NTNG1: variants seen among roughly 807,000 people sequenced by gnomAD.
The protein encoded by NTNG1 is netrin-G1.
Under a neutral mutation model 54.0 loss-of-function variants are expected in NTNG1, and 16 were observed. The observed-to-expected ratio is 0.30, with a 90% CI of 0.20 to 0.45. NTNG1 has a LOEUF of 0.45. Ranked by LOEUF, NTNG1 falls within the 20% of genes least tolerant of loss-of-function variation. The probability of loss-of-function intolerance (pLI) is 1.00; values close to 1 mark genes in which losing one functional copy is unlikely to be tolerated. For synonymous variants in NTNG1, 255 were observed against 263.1 expected (o/e 0.97, Z 0.30); for missense variants, 530 against 678.7 (o/e 0.78, Z 2.43).
intron 6 of NTNG1, among the ~76,000 whole-genome samples, chr1:107,432,049 C>T (rs1321775385): frequency 1.3e-5 from 2 of 152,128 alleles, no homozygotes; most frequent in African/African-American, 4.8e-5. Flanking sequence ...GTCTACAGTA[C>T]TTTCTGTATT....
Position 107,324,619 on chromosome 1 carries a change from A to G in NTNG1, c.584A>G (p.Asp195Gly). The G allele has an allele frequency of 6.2e-7, 1 of 1,613,712 alleles. No homozygotes were observed. Among genetic ancestry groups the G allele is most frequent in the Non-Finnish European group, 8.5e-7 (1 of 1,179,842 alleles). The stretch of plus-strand genomic sequence containing the variant: ...CACATGGATCCTAAATCCGTGAAGG[A>G]TTTATCACAGCATACGGTCTTAGAA... ...AFHMDPKSVK[D>G]LSQHTVLEII... is the part of the protein sequence containing the mutation. The change falls in exon 3 of 8, where the codon GAT becomes GGT. Residue 195 changes from aspartate (D) to glycine (G), a missense_variant. Transcript: ENST00000370068.
At chr1:107,250,985 C>T (rs1662567574) in intron 2 of NTNG1, among the ~76,000 whole-genome samples, 1 of 152,122 alleles carries the variant, frequency 6.6e-6, no homozygotes, top group African/African-American at 2.4e-5. Context: ...GTTATTCTTA[C>T]CTTATTCTTT....
At chr1:107,449,962 T>C (rs1434691374) in intron 7 of NTNG1, among the ~76,000 whole-genome samples, 3 of 152,088 alleles carry the variant, frequency 2.0e-5, no homozygotes, top group Admixed American at 2.0e-4. Context: ...CTTGTCTTGA[T>C]AAAATATTTC....
chr1:107,295,140 G>T (rs1222253043), intron 2 of NTNG1, among the ~76,000 whole-genome samples: 1 of 152,198 alleles, frequency 6.6e-6, no homozygotes, highest in Non-Finnish European at 1.5e-5. Context: ...GGGATGTGCA[G>T]AAGAATCACT....
chr1:107,145,098 A>G (rs1654010822), intron 1 of NTNG1, among the ~76,000 whole-genome samples: 1 of 152,110 alleles, frequency 6.6e-6, no homozygotes, highest in South Asian at 2.1e-4. Flanking sequence ...TGTCCTTCTC[A>G]TAATTGGTTT....
At chr1:107,269,357 T>C (rs897132702) in intron 2 of NTNG1, among the ~76,000 whole-genome samples, 3 of 152,220 alleles carry the variant, frequency 2.0e-5, no homozygotes, top group Non-Finnish European at 2.9e-5. Flanking sequence ...CAGTGAAATC[T>C]TACTTTATCA....
intron 2 of NTNG1, among the ~76,000 whole-genome samples, chr1:107,234,121 C>T (rs192588474): frequency 2.0e-5 from 3 of 152,056 alleles, no homozygotes; most frequent in East Asian, 1.9e-4. Flanking sequence ...TGGGCTAGGG[C>T]TGTTAAGAGA....
intron 2 of NTNG1, among the ~76,000 whole-genome samples, chr1:107,189,566 C>A (rs939721498): frequency 1.3e-5 from 2 of 151,620 alleles, no homozygotes; most frequent in African/African-American, 4.8e-5. Context: ...GACTCAATTT[C>A]TTTCTCTAGA....
intron 2 of NTNG1, among the ~76,000 whole-genome samples, chr1:107,178,583 T>G (rs895562461): frequency 1.3e-5 from 2 of 152,106 alleles, no homozygotes; most frequent in Admixed American, 6.6e-5. Flanking sequence ...AAAGAAAAAG[T>G]GTATGGGCAG....
intron 3 of NTNG1, among the ~76,000 whole-genome samples, chr1:107,352,290 C>T (rs1485323097): frequency 6.6e-6 from 1 of 152,070 alleles, no homozygotes; most frequent in African/African-American, 2.4e-5. Flanking sequence ...AGTAGAGGTT[C>T]TTCATGAGGG....
intron 2 of NTNG1, among the ~76,000 whole-genome samples, chr1:107,234,099 A>G (rs1452920571): frequency 6.6e-6 from 1 of 152,158 alleles, no homozygotes; most frequent in African/African-American, 2.4e-5. Flanking sequence ...ATCTAATAGC[A>G]TAATGACGTA....
chr1:107,476,370 C>T (rs1558028428), intron 7 of NTNG1, among the ~76,000 whole-genome samples: 1 of 152,128 alleles, frequency 6.6e-6, no homozygotes, highest in East Asian at 1.9e-4. Flanking sequence ...CGACCACCAC[C>T]ACCCCAGCTC....
chr1:107,236,341 G>C (rs934669808), intron 2 of NTNG1, among the ~76,000 whole-genome samples: 7 of 152,144 alleles, frequency 4.6e-5, no homozygotes, highest in Non-Finnish European at 1.0e-4. Flanking sequence ...AAGTTTTTCA[G>C]GCAGAAGGAA....
Position 107,283,615 on chromosome 1 carries a change from C to T in NTNG1, c.247-40667C>T, listed in dbSNP as rs559458126. ...GTATTGCCATTTCAAATATGTTAGC[C>T]GTATTAGGCCTAGACCATTTCAATA... On this transcript the variant is annotated intron_variant, in intron 2 of 7. Coordinates refer to ENST00000370068, the MANE Select transcript of NTNG1 (RefSeq NM_001113226.3). Among the ~76,000 whole-genome samples, 48 of 152,232 alleles carry T rather than the reference C, an allele frequency of 3.2e-4. 1 individual carries two copies. Among genetic ancestry groups the T allele is most frequent in the African/African-American group, 1.1e-3 (46 of 41,542 alleles).
intron 2 of NTNG1, among the ~76,000 whole-genome samples, chr1:107,254,667 G>C (rs1407880466): frequency 6.6e-6 from 1 of 152,078 alleles, no homozygotes; most frequent in East Asian, 1.9e-4. Flanking sequence ...TTGTGCAATG[G>C]GGAATCGTAA....
chr1:107,201,988 G>A (rs993475656), intron 2 of NTNG1, among the ~76,000 whole-genome samples: 1 of 151,580 alleles, frequency 6.6e-6, no homozygotes, highest in Non-Finnish European at 1.5e-5. Flanking sequence ...ATTATATAAT[G>A]TTCCTCTTTA....
intron 4 of NTNG1, among the ~76,000 whole-genome samples, chr1:107,401,197 GA>G (rs1406011593): frequency 1.3e-5 from 2 of 152,090 alleles, no homozygotes; most frequent in African/African-American, 4.8e-5. Context: ...TAGCATATCG[GA>G]TGGCGGATTT....
chr1:107,470,009 C>T (rs1677876190), intron 7 of NTNG1, among the ~76,000 whole-genome samples: 1 of 152,142 alleles, frequency 6.6e-6, no homozygotes, highest in Non-Finnish European at 1.5e-5. Flanking sequence ...CTACTAATTA[C>T]CAACAAGATG....
chr1:107,170,612 A>T (rs1656148653), intron 2 of NTNG1, among the ~76,000 whole-genome samples: 1 of 152,172 alleles, frequency 6.6e-6, no homozygotes, highest in Non-Finnish European at 1.5e-5. Flanking sequence ...ATTGCTGCTG[A>T]TAATCTAAAC....
Sources: allele counts gnomAD v4.1 joint callset (sites outside exome capture counted in the v4.1 genomes callset), GRCh38; gene constraint gnomAD v4.1.1; transcripts MANE v1.5; gene names NCBI Gene and HGNC (gene_info 2026-07-23, HGNC 2026-07-21).